GPCPD1: variants seen among roughly 807,000 people sequenced by gnomAD.
The protein encoded by GPCPD1 is glycerophosphocholine phosphodiesterase 1.
Under a neutral mutation model 89.2 loss-of-function variants are expected in GPCPD1, and 29 were observed. The observed-to-expected ratio is 0.33, with a 90% confidence interval of 0.24 to 0.44. GPCPD1 has a LOEUF of 0.44. Ranked by LOEUF, GPCPD1 falls within the 20% of genes least tolerant of loss-of-function variation. The pLI is 1.00. For missense variants in GPCPD1, 594 were observed against 808.9 expected, an observed-to-expected ratio of 0.73 and a Z score of 3.22; for synonymous variants, 258 against 266.3, an observed-to-expected ratio of 0.97 and a Z score of 0.30.
intron 16 of GPCPD1, 112 bp downstream of exon 16, chr20:5,561,353 C>A: frequency 1.8e-6 from 1 of 569,800 alleles, no homozygotes; most frequent in Non-Finnish European, 3.1e-6. Context: ...GTGGAGGAAG[C>A]CACAATGAGA....
chr20:5,586,295 C>T (rs1412024637), intron 4 of GPCPD1, 26 bp from the exon 5 acceptor site: 1 of 1,324,796 alleles, frequency 7.5e-7, no homozygotes, highest in Non-Finnish European at 1.1e-6. Context: ...TAAACGTCTG[C>T]AATAATTTCT....
chr20:5,595,918 G>A (rs1341435662), intron 3 of GPCPD1, among the ~76,000 whole-genome samples: 1 of 152,060 alleles, frequency 6.6e-6, no homozygotes, highest in Non-Finnish European at 1.5e-5. Context: ...TGAAAAACGT[G>A]CTGCCGCCTC....
intron 2 of GPCPD1, among the ~76,000 whole-genome samples, chr20:5,601,226 G>C (rs1699608183): frequency 6.6e-6 from 1 of 151,860 alleles, no homozygotes; most frequent in Non-Finnish European, 1.5e-5. Context: ...AAATTAGCCA[G>C]GCACTGTGTT....
intron 5 of GPCPD1, chr20:5,585,869 A>G (rs1978887516): frequency 9.2e-6 from 2 of 217,118 alleles, no homozygotes; most frequent in Non-Finnish European, 1.8e-5. Flanking sequence ...AAGTAAACAA[A>G]TAGAGCTATG....
At chr20:5,552,223 T>A (rs1228371858) in intron 19 of GPCPD1, among the ~76,000 whole-genome samples, 2 of 152,092 alleles carry the variant, frequency 1.3e-5, no homozygotes, top group African/African-American at 4.8e-5. Context: ...ACCTTTCCCC[T>A]CCTCAGACCC....
intron 10 of GPCPD1, among the ~76,000 whole-genome samples, chr20:5,574,992 A>G (rs1266065173): frequency 3.9e-5 from 6 of 152,246 alleles, no homozygotes; most frequent in African/African-American, 1.4e-4. Context: ...AAGACAGAGC[A>G]TCTTTCGTTG....
At chr20:5,578,715 A>C in intron 7 of GPCPD1, 104 bp from the exon 8 acceptor site, 1 of 671,564 alleles carries the variant, frequency 1.5e-6, no homozygotes, top group Non-Finnish European at 2.6e-6. Flanking sequence ...AAATATGCTA[A>C]ATCTTCGAAT....
At chr20:5,593,289 G>C (rs1210062894) in intron 4 of GPCPD1, 38 bp downstream of exon 4, 1 of 1,003,320 alleles carries the variant, frequency 1.0e-6, no homozygotes. Context: ...TTTGAAGGAA[G>C]TGCTAAAGGA....
chr20:5,558,988 C>T (rs543635909), intron 17 of GPCPD1, among the ~76,000 whole-genome samples, 169 bp from the exon 18 acceptor site: 4 of 152,058 alleles, frequency 2.6e-5, no homozygotes, highest in Non-Finnish European at 4.4e-5. Flanking sequence ...AGAGCACTTG[C>T]GGTCATGAGT....
intron 19 of GPCPD1, chr20:5,549,517 A>G (rs1171697711): frequency 9.2e-7 from 1 of 1,086,176 alleles, no homozygotes; most frequent in African/African-American, 1.6e-5. Context: ...GAGTATTCTC[A>G]TAAGAGACCA....
chr20:5,599,828 C>A (rs544615550), intron 2 of GPCPD1, among the ~76,000 whole-genome samples: 83 of 152,266 alleles, frequency 5.5e-4, no homozygotes, highest in Non-Finnish European at 8.5e-4. Flanking sequence ...GCTGGGTTTA[C>A]AGGCATGAGC....
chr20:5,547,994 G>T, intron 19 of GPCPD1, 144 bp from the exon 20 acceptor site: 1 of 482,224 alleles, frequency 2.1e-6, no homozygotes. Flanking sequence ...TTTTAAAGAT[G>T]AAAGTATCCA....
At chr20:5,586,909 CAAGTGTGA>C (rs781533390) in intron 4 of GPCPD1, among the ~76,000 whole-genome samples, 1 of 152,110 alleles carries the variant, frequency 6.6e-6, no homozygotes, top group Non-Finnish European at 1.5e-5. Context: ...ACTTGAAGAG[CAAGTGTGA>C]TAAAAGAGGA....
intron 19 of GPCPD1, among the ~76,000 whole-genome samples, chr20:5,556,324 C>T (rs1251647233): frequency 6.6e-6 from 1 of 152,080 alleles, no homozygotes; most frequent in African/African-American, 2.4e-5. Flanking sequence ...TCTCCTGCCT[C>T]AGCCCCGAGC....
At position 5,610,704 on chromosome 20, in the gene GPCPD1, G is replaced by GCCGGC. The variant is rs543264229; in HGVS notation, c.-29+133_-29+137dup. The GCCGGC allele has an allele frequency of 2.9e-3, 438 of 150,078 alleles. 2 individuals are homozygous for GCCGGC. Among genetic ancestry groups the GCCGGC allele is most frequent in the African/African-American group, 0.01 (416 of 41,022 alleles). The allele number at this position is 150,078 out of a possible 1,614,324, so 9.3% of individuals were successfully genotyped here. A position where few individuals can be genotyped will look rare whatever the true frequency, so the allele number is the denominator to read the frequency against. ...GGCCGCCGTTCCCCTGCGGGCAGTG[G>GCCGGC]CCGGCCCGGCCCGGCCCGAGGACCC... On this transcript the variant is annotated intron_variant, in intron 1 of 19. Coordinates refer to ENST00000379019, the MANE Select transcript of GPCPD1 (RefSeq NM_019593.5).
chr20:5,587,829 TATTA>T (rs1682224001), intron 4 of GPCPD1, among the ~76,000 whole-genome samples: 2 of 152,244 alleles, frequency 1.3e-5, no homozygotes, highest in African/African-American at 4.8e-5. Flanking sequence ...TTAGGCACAT[TATTA>T]ATTATTAAAT....
At chr20:5,590,127 C>T (rs991202884) in intron 4 of GPCPD1, among the ~76,000 whole-genome samples, 1 of 152,104 alleles carries the variant, frequency 6.6e-6, no homozygotes, top group African/African-American at 2.4e-5. Context: ...AACAAATCAC[C>T]AAGCAAAATT....
chr20:5,549,467 A>G, intron 19 of GPCPD1: 2 of 1,212,860 alleles, frequency 1.6e-6, no homozygotes, highest in Non-Finnish European at 1.2e-6. Context: ...CACTAAAAAT[A>G]GGTTTGTTGT....
chr20:5,605,731 C>T (rs973240208), intron 1 of GPCPD1, among the ~76,000 whole-genome samples: 2 of 151,994 alleles, frequency 1.3e-5, no homozygotes, highest in Non-Finnish European at 2.9e-5. Flanking sequence ...TGAGCCCCCC[C>T]ACCTGCCTCC....
Sources: gnomAD v4.1 joint callset for allele counts (sites outside exome capture counted in the v4.1 genomes callset) on GRCh38, gnomAD v4.1.1 for gene constraint, MANE v1.5 for transcripts, NCBI Gene and HGNC (gene_info 2026-07-23, HGNC 2026-07-21) for gene names.